The following KIAA0319L variants were observed in gnomAD, a reference collection of about 807,000 sequenced individuals.
The protein encoded by KIAA0319L is KIAA0319 like.
A neutral mutation model predicts 120.1 loss-of-function variants in KIAA0319L; 55 were observed. The observed-to-expected ratio is 0.46, with a 90% CI of 0.37 to 0.57. The LOEUF is 0.57. Among genes scored for constraint, KIAA0319L ranks in the 20% least tolerant of loss-of-function variants. KIAA0319L has a pLI of 0.00. For missense variants in KIAA0319L, 1,049 were observed against 1,255.3 expected, an observed-to-expected ratio of 0.84 and a Z score of 2.48; for synonymous variants, 398 against 471.9, an observed-to-expected ratio of 0.84 and a Z score of 2.03.
intron 16 of KIAA0319L, among the ~76,000 whole-genome samples, chr1:35,447,689 A>AGCT (rs1396356689): frequency 6.6e-6 from 1 of 150,590 alleles, no homozygotes; most frequent in Non-Finnish European, 1.5e-5. Context: ...CTCCTGCCTC[A>AGCT]GCTTCCCAAA....
At chr1:35,474,514 T>C (rs1203141) in intron 5 of KIAA0319L, among the ~76,000 whole-genome samples, 13,127 of 152,204 alleles carry the variant, frequency 0.086, 1,254 homozygotes, top group East Asian at 0.25. Context: ...TTTATTTTGG[T>C]CAAACAACCA....
intron 16 of KIAA0319L, among the ~76,000 whole-genome samples, chr1:35,446,388 AT>A (rs1397047916): frequency 2.0e-5 from 3 of 152,168 alleles, no homozygotes; most frequent in Non-Finnish European, 4.4e-5. Context: ...ATGAAAAAAA[AT>A]TTTTAAAGAT....
At chr1:35,517,232 TA>T (rs1421926498) in intron 2 of KIAA0319L, among the ~76,000 whole-genome samples, 1 of 152,030 alleles carries the variant, frequency 6.6e-6, no homozygotes, top group Non-Finnish European at 1.5e-5. Flanking sequence ...ATTATGGAAC[TA>T]AAAAAGAGCC....
At chr1:35,544,328 C>T (rs997283964) in intron 2 of KIAA0319L, among the ~76,000 whole-genome samples, 3 of 148,540 alleles carry the variant, frequency 2.0e-5, no homozygotes, top group Non-Finnish European at 4.4e-5. Context: ...AAGATTGTGC[C>T]ACTGCACTCC....
At chr1:35,549,913 T>A (rs1404657601) in intron 2 of KIAA0319L, among the ~76,000 whole-genome samples, 1 of 152,228 alleles carries the variant, frequency 6.6e-6, no homozygotes, top group Admixed American at 6.5e-5. Context: ...CTAGCATAAC[T>A]AAAAGAGGCA....
Position 35,437,039 on chromosome 1 carries a change from C to T in KIAA0319L, c.2963-1958G>A, listed in dbSNP as rs1184490239. The stretch of plus-strand genomic sequence containing the variant: ...TGCTTCCGGCCTGCTCAGACCCACA[C>T]CGAACCTGAGCGGGCTCTCCCAGCT... On this transcript the variant is annotated intron_variant, in intron 20 of 20. Transcript: ENST00000325722. This position sits in a 1 kb window ranked among gnomAD's most constrained non-coding sequence, Gnocchi z 4.1. 6.6e-6 allele frequency among the ~76,000 whole-genome samples: 1 copy of T among 152,214 alleles called. No homozygotes were observed. The highest frequency in any genetic ancestry group is 1.5e-5 in the Non-Finnish European group (1 of 68,036).
chr1:35,460,226 G>T (rs1381779346), intron 9 of KIAA0319L, 79 bp downstream of exon 9: 3 of 1,156,772 alleles, frequency 2.6e-6, no homozygotes, highest in Non-Finnish European at 3.8e-6. Context: ...ATTTGTCAAA[G>T]TTACTCATAT....
intron 10 of KIAA0319L, among the ~76,000 whole-genome samples, chr1:35,455,478 C>T (rs1642372289): frequency 1.3e-5 from 2 of 152,102 alleles, no homozygotes; most frequent in African/African-American, 2.4e-5. Context: ...CTAAGATTTG[C>T]ACCCTTGTAG....
chr1:35,547,719 T>C (rs1219718799), intron 2 of KIAA0319L, among the ~76,000 whole-genome samples: 1 of 152,218 alleles, frequency 6.6e-6, no homozygotes, highest in Admixed American at 6.5e-5. Flanking sequence ...ATTTGTGGTT[T>C]CTAGTAGCTG....
intron 16 of KIAA0319L, among the ~76,000 whole-genome samples, chr1:35,445,671 A>G (rs1641567512): frequency 6.6e-6 from 1 of 152,232 alleles, no homozygotes; most frequent in African/African-American, 2.4e-5. Context: ...AGGTTCAGAG[A>G]GGTGAAGTAA....
chr1:35,459,391 G>A (rs1352653624), intron 9 of KIAA0319L, among the ~76,000 whole-genome samples: 1 of 152,044 alleles, frequency 6.6e-6, no homozygotes, highest in East Asian at 1.9e-4. Context: ...TGGATCACAA[G>A]GTCAGGAGAT....
chr1:35,549,227 T>C (rs1449564000), intron 2 of KIAA0319L, among the ~76,000 whole-genome samples: 1 of 152,056 alleles, frequency 6.6e-6, no homozygotes, highest in East Asian at 1.9e-4. Flanking sequence ...TTTTTTATTT[T>C]TGTAGAGATG....
Position 35,462,660 on chromosome 1 carries a change from T to A in KIAA0319L, c.1255A>T (p.Ile419Phe). 6.2e-7 allele frequency: 1 copy of A among 1,614,054 alleles called. No individual in the cohort carries two copies. Among genetic ancestry groups the A allele is most frequent in the African/African-American group, 1.3e-5 (1 of 75,024 alleles). ...ACTGTAGAAGTGGTTGGCAAAGAGATCTCCTGGAACTGAGGTGACACAATA... is the reference window on the plus strand; with the variant it reads ...ACTGTAGAAGTGGTTGGCAAAGAGAACTCCTGGAACTGAGGTGACACAATA... ...IAIVSPQFQEISLPTTSTVID... is the reference protein window; with the variant it reads ...IAIVSPQFQEFSLPTTSTVID... Residue 419 changes from isoleucine to phenylalanine, a missense_variant, in exon 8 of 21, where the codon ATC becomes TTC. Coordinates refer to ENST00000325722, the MANE Select transcript of KIAA0319L (RefSeq NM_024874.5).
chr1:35,514,036 C>A (rs925970708), intron 2 of KIAA0319L, among the ~76,000 whole-genome samples: 2 of 152,118 alleles, frequency 1.3e-5, no homozygotes, highest in Non-Finnish European at 2.9e-5. Flanking sequence ...AAATTACCTC[C>A]TGTAGTTGAG....
At chr1:35,505,581 T>C (rs529186462) in intron 3 of KIAA0319L, among the ~76,000 whole-genome samples, 1 of 152,350 alleles carries the variant, frequency 6.6e-6, no homozygotes, top group East Asian at 1.9e-4. Context: ...GAATGAACCA[T>C]TCTTATTCAC....
At chr1:35,463,596 T>C (rs1643050115) in intron 7 of KIAA0319L, among the ~76,000 whole-genome samples, 1 of 152,208 alleles carries the variant, frequency 6.6e-6, no homozygotes, top group Admixed American at 6.5e-5. Flanking sequence ...CTTTGCAAAA[T>C]GATCAAATGG....
intron 18 of KIAA0319L, 54 bp from the exon 19 acceptor site, chr1:35,442,390 G>A: frequency 1.4e-6 from 2 of 1,380,766 alleles, no homozygotes; most frequent in Non-Finnish European, 2.1e-6. Flanking sequence ...TGGGAGGGAG[G>A]TCTGGGCTGC....
intron 3 of KIAA0319L, among the ~76,000 whole-genome samples, chr1:35,493,489 A>AT (rs1283642643): frequency 6.6e-6 from 1 of 151,932 alleles, no homozygotes; most frequent in Non-Finnish European, 1.5e-5. Flanking sequence ...ACATTTTTAG[A>AT]TTTTTTTAGA....
chr1:35,493,020 A>T (rs1249126984), intron 3 of KIAA0319L, among the ~76,000 whole-genome samples: 1 of 152,180 alleles, frequency 6.6e-6, no homozygotes, highest in Non-Finnish European at 1.5e-5. Flanking sequence ...TATAAAAAAC[A>T]TTGTAGTGGA....
Sources: gnomAD v4.1 joint callset for allele counts (sites outside exome capture counted in the v4.1 genomes callset) on GRCh38, gnomAD v4.1.1 for gene constraint, Gnocchi (gnomAD v3.1) non-coding constraint, MANE v1.5 for transcripts, NCBI Gene and HGNC (gene_info 2026-07-23, HGNC 2026-07-21) for gene names.